CDH8: variants seen among roughly 807,000 people sequenced by gnomAD.
CDH8 encodes cadherin 8, also known as cadherin-8.
A neutral mutation model predicts 68.1 loss-of-function variants in CDH8; 17 were observed. That is an observed-to-expected ratio of 0.25 (90% CI 0.17 to 0.37). CDH8 has a LOEUF of 0.37. CDH8 is among the 10% of genes least tolerant of loss of function. The probability of loss-of-function intolerance (pLI) is 1.00; values close to 1 mark genes in which losing one functional copy is unlikely to be tolerated. For missense variants in CDH8, 763 were observed against 999.3 expected, an observed-to-expected ratio of 0.76 and a Z score of 3.19; for synonymous variants, 372 against 365.1, an observed-to-expected ratio of 1.02 and a Z score of -0.21.
chr16:61,843,576 C>A (rs1000316606), intron 4 of CDH8, among the ~76,000 whole-genome samples: 2 of 152,136 alleles, frequency 1.3e-5, no homozygotes, highest in Non-Finnish European at 2.9e-5. Context: ...AAGTTGTCTC[C>A]CCTGAAATTC....
chr16:62,004,695 AGCATG>A (rs1242816301), intron 2 of CDH8, among the ~76,000 whole-genome samples: 6 of 152,368 alleles, frequency 3.9e-5, no homozygotes, highest in African/African-American at 1.4e-4. Flanking sequence ...GCTCATAAAA[AGCATG>A]GCTTGGGTAA....
At position 61,667,794 on chromosome 16, in the gene CDH8, A is replaced by G. The variant is rs570206796; in HGVS notation, c.1655-12073T>C. 2.0e-5 allele frequency: 3 copies of G among 152,208 alleles called. No individual in the cohort carries two copies. The East Asian group carries it at 5.8e-4, about 29-fold the overall frequency. The allele number at this position is 152,208 out of a possible 1,614,324, so 9.4% of individuals were successfully genotyped here. A position where few individuals can be genotyped will look rare whatever the true frequency, so the allele number is the denominator to read the frequency against. On this transcript the variant is annotated intron_variant, in intron 10 of 11. Transcript: ENST00000577390. ...TATTTATGATTTACTGAGTCACAGC[A>G]AGGCATTCTTATTCCCATTTTACTT...
chr16:62,003,341 C>T (rs1457342354), intron 2 of CDH8, among the ~76,000 whole-genome samples: 2 of 152,110 alleles, frequency 1.3e-5, no homozygotes, highest in African/African-American at 4.8e-5. Flanking sequence ...AAATTTTGCA[C>T]AAAAGATAAT....
chr16:61,768,304 GTCTCTCCCTTTCTCTC>G (rs1960648037), intron 8 of CDH8, among the ~76,000 whole-genome samples: 6 of 73,688 alleles, frequency 8.1e-5, no homozygotes, highest in South Asian at 4.3e-4. Flanking sequence ...CTCTCTCTGT[GTCTCTCCCTTTCTCTC>G]TCTCTCTCTC....
intron 3 of CDH8, among the ~76,000 whole-genome samples, chr16:61,860,678 T>C (rs1372920218): frequency 6.6e-6 from 1 of 152,034 alleles, no homozygotes; most frequent in Non-Finnish European, 1.5e-5. Flanking sequence ...TGATATTAAG[T>C]TAATGAATCT....
intron 3 of CDH8, among the ~76,000 whole-genome samples, chr16:61,872,029 C>A (rs1963380238): frequency 6.6e-6 from 1 of 152,038 alleles, no homozygotes; most frequent in African/African-American, 2.4e-5. Flanking sequence ...AGGAGCTGTG[C>A]TTATAATGCA....
At chr16:61,664,678 C>T (rs1157056279) in intron 10 of CDH8, among the ~76,000 whole-genome samples, 1 of 151,634 alleles carries the variant, frequency 6.6e-6, no homozygotes, top group African/African-American at 2.4e-5. Context: ...ACTGAGGGCG[C>T]TTAGGTTCAG....
chr16:61,663,411 A>T (rs917742646), intron 10 of CDH8, among the ~76,000 whole-genome samples: 1 of 152,010 alleles, frequency 6.6e-6, no homozygotes, highest in African/African-American at 2.4e-5. Flanking sequence ...TTAATCCTTT[A>T]TAATGTTTAT....
chr16:61,691,288 C>T (rs1207606709), intron 10 of CDH8, among the ~76,000 whole-genome samples: 2 of 152,098 alleles, frequency 1.3e-5, no homozygotes, highest in Non-Finnish European at 2.9e-5. Flanking sequence ...TTTGGGTATG[C>T]CTAGGCCATT....
chr16:61,947,525 C>G lies in CDH8; in HGVS notation c.253-46052G>C, dbSNP rs560257163. On this transcript the variant is annotated intron_variant, in intron 2 of 11. Coordinates refer to ENST00000577390, the MANE Select transcript of CDH8 (RefSeq NM_001796.5). ...CTCATTCTAGGTTGAATTTTCTCCC[C>G]CTATATATGTGAGTCTGTGGAAAGT... is the stretch of plus-strand genomic sequence containing the variant. 3.3e-5 allele frequency among the ~76,000 whole-genome samples: 5 copies of G among 152,246 alleles called. No homozygotes were observed. In the East Asian group the frequency reaches 9.7e-4, roughly 29 times the overall value.
At chr16:61,994,464 T>A (rs1261928716) in intron 2 of CDH8, among the ~76,000 whole-genome samples, 1 of 152,198 alleles carries the variant, frequency 6.6e-6, no homozygotes, top group Non-Finnish European at 1.5e-5. Context: ...AATCTCTGTA[T>A]TGAAGAACGT....
At chr16:61,824,952 T>C in intron 5 of CDH8, 60 bp downstream of exon 5, 1 of 1,401,230 alleles carries the variant, frequency 7.1e-7, no homozygotes, top group East Asian at 2.3e-5. Flanking sequence ...AAAATTATAA[T>C]ATAAATTCAA....
chr16:61,815,361 TAGTATC>T (rs751219286), intron 7 of CDH8, among the ~76,000 whole-genome samples: 5 of 152,308 alleles, frequency 3.3e-5, no homozygotes, highest in South Asian at 2.1e-4. Flanking sequence ...GAACTGGAAT[TAGTATC>T]AGTAAATCTC....
chr16:61,795,218 T>C (rs1055126168), intron 7 of CDH8, among the ~76,000 whole-genome samples: 5 of 152,060 alleles, frequency 3.3e-5, no homozygotes, highest in African/African-American at 1.2e-4. Flanking sequence ...TCTGGGGTAA[T>C]GACTTAAATT....
intron 2 of CDH8, among the ~76,000 whole-genome samples, chr16:61,907,024 T>C (rs1429560605): frequency 6.6e-6 from 1 of 152,210 alleles, no homozygotes; most frequent in Non-Finnish European, 1.5e-5. Flanking sequence ...AACCCTGGTC[T>C]TCAGTATCAT....
chr16:61,707,232 G>GAAGA (rs1305045346), intron 10 of CDH8, among the ~76,000 whole-genome samples: 1 of 152,086 alleles, frequency 6.6e-6, no homozygotes, highest in Non-Finnish European at 1.5e-5. Context: ...TAATAGAGAG[G>GAAGA]AAGAGGACAA....
At chr16:61,674,188 C>G (rs1468012621) in intron 10 of CDH8, among the ~76,000 whole-genome samples, 1 of 152,028 alleles carries the variant, frequency 6.6e-6, no homozygotes, top group African/African-American at 2.4e-5. Flanking sequence ...CTACCCTAAA[C>G]CTGTTGTTAA....
At chr16:62,011,880 G>A (rs1235748002) in intron 2 of CDH8, among the ~76,000 whole-genome samples, 1 of 152,190 alleles carries the variant, frequency 6.6e-6, no homozygotes. Context: ...AGCCAGTGCT[G>A]ATGAGAAAAC....
At chr16:61,781,045 CT>C (rs1961038772) in intron 8 of CDH8, among the ~76,000 whole-genome samples, 2 of 152,210 alleles carry the variant, frequency 1.3e-5, no homozygotes, top group Admixed American at 1.3e-4. Context: ...CAGCTTGTTT[CT>C]TGGCCAAAAT....
Sources: gnomAD v4.1 joint callset for allele counts (sites outside exome capture counted in the v4.1 genomes callset) on GRCh38, gnomAD v4.1.1 for gene constraint, MANE v1.5 for transcripts, NCBI Gene and HGNC (gene_info 2026-07-23, HGNC 2026-07-21) for gene names.